COL1A2: variants seen among roughly 807,000 people sequenced by gnomAD.
COL1A2 encodes collagen type I alpha 2 chain.
In COL1A2, 49 loss-of-function variants were observed where a neutral mutation model predicts 174.3. The observed-to-expected ratio is 0.28, with a 90% CI of 0.22 to 0.36. COL1A2 has a LOEUF of 0.36. COL1A2 is among the 10% of genes least tolerant of loss of function. The pLI, the probability that COL1A2 is intolerant of heterozygous loss-of-function variation, is 1.00. For missense variants in COL1A2, 1,438 were observed against 1,822.7 expected, an observed-to-expected ratio of 0.79 and a Z score of 3.84; for synonymous variants, 655 against 606.6, an observed-to-expected ratio of 1.08 and a Z score of -1.17.
Position 94,420,387 on chromosome 7 carries a change from C to CT in COL1A2, c.2134-3dup. On this transcript the variant is annotated splice_polypyrimidine_tract_variant and splice_region_variant and intron_variant, in intron 35 of 51. Transcript: ENST00000297268. ...CACATTTTTAAATCCCTTCTCCCAC[C>CT]TAGGGTGAACGTGGTGAGGTCGGTC... 2.5e-6 allele frequency: 4 copies of CT among 1,614,154 alleles called. No homozygotes were observed. Among genetic ancestry groups the CT allele is most frequent in the Non-Finnish European group, 3.4e-6 (4 of 1,180,024 alleles).
At chr7:94,416,584 T>A (rs1792046319) in intron 31 of COL1A2, 81 bp downstream of exon 31, 4 of 1,094,928 alleles carry the variant, frequency 3.7e-6, no homozygotes, top group East Asian at 2.6e-5. Context: ...GAAAGATAAT[T>A]GTTTTTCAGA....
rs138956381 is a variant in COL1A2 at position 94,403,114 on chromosome 7, G to A, written c.280-1442G>A. On this transcript the variant is annotated intron_variant, in intron 6 of 51. Transcript: ENST00000297268. ...ACATCTCAAGAAGAAGCAAGGGGGC[G>A]GAAAGTAAAGAGCTACTAAATGTCA... Among the ~76,000 whole-genome samples, 630 of 152,168 alleles carry A rather than the reference G, an allele frequency of 4.1e-3. 3 individuals carry two copies. The highest frequency in any genetic ancestry group is 0.015 in the African/African-American group (604 of 41,532).
chr7:94,419,874 A>T (rs540927325), intron 34 of COL1A2, among the ~76,000 whole-genome samples: 1 of 152,328 alleles, frequency 6.6e-6, no homozygotes, highest in East Asian at 1.9e-4. Flanking sequence ...AATAAAATAC[A>T]TAGTGTGCCC....
chr7:94,397,683 A>G lies in COL1A2; in HGVS notation c.71-65A>G, dbSNP rs1440057766. On this transcript the variant is annotated intron_variant, in intron 1 of 51. Coordinates refer to ENST00000297268, the MANE Select transcript of COL1A2 (RefSeq NM_000089.4). The stretch of plus-strand genomic sequence containing the variant: ...AAACTTGTTTCTCTATTTGTTAATT[A>G]TTGCTATTGATCCATGAAGTGATAC... 6.9e-6 allele frequency: 6 copies of G among 875,750 alleles called. No individual in the cohort carries two copies. In the African/African-American group the frequency reaches 1.0e-4, roughly 15 times the overall value. The allele number at this position is 875,750 out of a possible 1,614,324, so 54.2% of individuals were successfully genotyped here.
chr7:94,410,813 C>G, intron 21 of COL1A2, 76 bp from the exon 22 acceptor site: 3 of 1,489,318 alleles, frequency 2.0e-6, no homozygotes, highest in Non-Finnish European at 2.8e-6. Flanking sequence ...GGAGATCATG[C>G]TATTTTTTAC....
chr7:94,415,735 A>G (rs1054327693), intron 30 of COL1A2, among the ~76,000 whole-genome samples: 1 of 152,190 alleles, frequency 6.6e-6, no homozygotes, highest in Admixed American at 6.5e-5. Context: ...AAAGTATTCC[A>G]TCATGTCACT....
Position 94,408,857 on chromosome 7 carries a change from A to C in COL1A2, c.792+34A>C, listed in dbSNP as rs193040425. The C allele has an allele frequency of 6.9e-6, 11 of 1,595,494 alleles. No individual in the cohort carries two copies. In the East Asian group the frequency reaches 2.5e-4, roughly 36 times the overall value. On this transcript the variant is annotated intron_variant, in intron 16 of 51. Coordinates refer to ENST00000297268, the MANE Select transcript of COL1A2 (RefSeq NM_000089.4). ...ACTGGTGACCATTGTCACTACTTTG[A>C]TAAACTTTTTACTGTGATGTGAAAG... is the stretch of plus-strand genomic sequence containing the variant.
chr7:94,429,357 G>T lies in COL1A2; in HGVS notation c.3881G>T (p.Gly1294Val). ...CTGAAAAAGGCTGTCATTCTACAGGGCTCTAATGATGTTGAACTTGTTGCT... is the reference window on the plus strand; with the variant it reads ...CTGAAAAAGGCTGTCATTCTACAGGTCTCTAATGATGTTGAACTTGTTGCT... The part of the protein sequence containing the change: ...GNLKKAVILQ[G>V]SNDVELVAEG... Residue 1294 changes from glycine (G) to valine (V), a missense_variant, in exon 51 of 52, where the codon GGC (glycine) becomes GTC (valine). Coordinates refer to ENST00000297268, the MANE Select transcript of COL1A2 (RefSeq NM_000089.4). 6.2e-7 allele frequency: 1 copy of T among 1,613,946 alleles called. No homozygotes were observed. The highest frequency in any genetic ancestry group is 8.5e-7 in the Non-Finnish European group (1 of 1,179,888).
At chr7:94,428,056 C>T (rs1792319426) in intron 49 of COL1A2, among the ~76,000 whole-genome samples, 171 bp downstream of exon 49, 1 of 152,126 alleles carries the variant, frequency 6.6e-6, no homozygotes. Flanking sequence ...AACCTCATTT[C>T]CCTTAAAATG....
At chr7:94,428,036 A>T in intron 49 of COL1A2, 151 bp downstream of exon 49, 1 of 949,208 alleles carries the variant, frequency 1.1e-6, no homozygotes, top group African/African-American at 1.6e-5. Context: ...TCTTCTCCCA[A>T]CCAGCACCCA....
intron 26 of COL1A2, 103 bp from the exon 27 acceptor site, chr7:94,413,587 A>G: frequency 8.6e-7 from 1 of 1,164,116 alleles, no homozygotes; most frequent in Non-Finnish European, 1.3e-6. Flanking sequence ...AATTCATGCT[A>G]AAATGACAAA....
At position 94,395,003 on chromosome 7, in the gene COL1A2, C is replaced by T; in HGVS notation, c.-29C>T. On this transcript the variant is annotated 5_prime_UTR_variant, in exon 1 of 52. Coordinates refer to ENST00000297268, the MANE Select transcript of COL1A2 (RefSeq NM_000089.4). ...CCGGTGACCCAGGGGCTCTGCGACA[C>T]AAGGAGTCTGCATGTCTAAGTGCTA... The T allele has an allele frequency of 6.2e-7, 1 of 1,608,930 alleles. No individual in the cohort carries two copies. The highest frequency in any genetic ancestry group is 8.5e-7 in the Non-Finnish European group (1 of 1,176,488).
At chr7:94,405,032 T>A in intron 9 of COL1A2, 140 bp downstream of exon 9, 1 of 1,144,912 alleles carries the variant, frequency 8.7e-7, no homozygotes, top group Non-Finnish European at 1.3e-6. Flanking sequence ...AATATTATTT[T>A]AATGAAATAT....
rs191926545 is a variant in COL1A2 at position 94,398,930 on chromosome 7, C to G, written c.97-119C>G. The G allele has an allele frequency of 7.6e-4, 702 of 929,394 alleles. 7 individuals carry two copies. The East Asian group carries it at 0.015, about 20-fold the overall frequency. 57.6% of individuals were successfully genotyped at this position (929,394 alleles called of 1,614,324 possible). Reference sequence around the variant, plus strand: ...ATTGTGTCAATTTTTTATATGCTATCTAATAACATTGTAGTTACATCAGTC... The same window carrying G: ...ATTGTGTCAATTTTTTATATGCTATGTAATAACATTGTAGTTACATCAGTC... On this transcript the variant is annotated intron_variant, in intron 3 of 51. Coordinates refer to ENST00000297268, the MANE Select transcript of COL1A2 (RefSeq NM_000089.4).
rs945044402 is a variant in COL1A2, at chr7:94,425,890, C to T, written c.2943+33C>T. On this transcript the variant is annotated intron_variant, in intron 44 of 51. Coordinates refer to ENST00000297268, the MANE Select transcript of COL1A2 (RefSeq NM_000089.4). ...TGTGAATACCAGTCCCTCAGTGCAG[C>T]ATTCTCGTGGGCTTCACTTCTGACT... 5 of 1,605,184 alleles carry T rather than the reference C, an allele frequency of 3.1e-6. No homozygotes were observed. In the African/African-American group the frequency reaches 6.7e-5, roughly 21 times the overall value.
chr7:94,406,338 C>T (rs1316900660), intron 12 of COL1A2, 35 bp downstream of exon 12: 1 of 1,601,118 alleles, frequency 6.2e-7, no homozygotes, highest in African/African-American at 1.3e-5. Flanking sequence ...TTTTTAAGCA[C>T]TTGATTGAAA....
At chr7:94,416,546 G>T (rs748733865) in intron 31 of COL1A2, 43 bp downstream of exon 31, 2 of 1,409,374 alleles carry the variant, frequency 1.4e-6, no homozygotes, top group East Asian at 5.0e-5. Flanking sequence ...GGCCCAGTCT[G>T]CCTGGAATAA....
At chr7:94,408,586 C>T (rs1395233158) in intron 15 of COL1A2, among the ~76,000 whole-genome samples, 184 bp from the exon 16 acceptor site, 3 of 152,138 alleles carry the variant, frequency 2.0e-5, no homozygotes, top group African/African-American at 7.2e-5. Context: ...ATATCCCCAC[C>T]CTGGATACCA....
intron 6 of COL1A2, among the ~76,000 whole-genome samples, chr7:94,402,597 G>C (rs1044674777): frequency 6.6e-6 from 1 of 151,996 alleles, no homozygotes; most frequent in African/African-American, 2.4e-5. Flanking sequence ...ATGCTAATAC[G>C]AGCATGCAAA....
Sources: gnomAD v4.1 joint callset for allele counts (sites outside exome capture counted in the v4.1 genomes callset) on GRCh38, gnomAD v4.1.1 for gene constraint, MANE v1.5 for transcripts, NCBI Gene and HGNC (gene_info 2026-07-23, HGNC 2026-07-21) for gene names.